Variants in DGKK observed in about 807,000 individuals in gnomAD.
DGKK encodes the protein 142 kDa diacylglycerol kinase.
Under a neutral mutation model 92.2 loss-of-function variants are expected in DGKK, and 35 were observed. The ratio of observed to expected loss-of-function variants is 0.38; its 90% CI spans 0.29 to 0.50. DGKK has a LOEUF of 0.50. DGKK is among the 20% of genes least tolerant of loss of function. The pLI is 0.92. For missense variants in DGKK, 910 were observed against 992.2 expected (o/e 0.92, Z 1.11); for synonymous variants, 368 against 360.6 (o/e 1.02, Z -0.23).
intron 20 of DGKK, 105 bp from the exon 21 acceptor site, chrX:50,378,796 A>C: frequency 7.8e-5 from 46 of 588,893 alleles, no homozygotes; most frequent in East Asian, 1.1e-4. Flanking sequence ...TTTCTAGCTC[A>C]TGAAGAGTGG....
chrX:50,388,166 A>T (rs12556919), intron 13 of DGKK, among the ~76,000 whole-genome samples: 4,349 of 112,136 alleles, frequency 0.039, 86 homozygotes, highest in Non-Finnish European at 0.057. Flanking sequence ...AGGTTATGAG[A>T]AAGCAGCTAT....
rs868958653 is a variant in DGKK, at chrX:50,384,210, T to C, written c.2507A>G (p.Asp836Gly). ...SISSLKSEDL[D>G]NLNLDHLHFT... is the part of the protein sequence containing the mutation. ...ATGTAAGTGATCCAAGTTAAGGTTG[T>C]CCAGGTCCTCACTTTTGAGAGAAGA... The change falls in exon 17 of 28, where the codon GAC (aspartate) becomes GGC (glycine). Residue 836 changes from aspartate to glycine, a missense_variant. Coordinates refer to ENST00000611977, the MANE Select transcript of DGKK (RefSeq NM_001013742.4). 5 of 1,182,595 alleles carry C rather than the reference T, an allele frequency of 4.2e-6. No homozygotes were observed. The African/African-American group carries it at 8.8e-5, about 21-fold the overall frequency.
intron 1 of DGKK, among the ~76,000 whole-genome samples, chrX:50,446,950 A>C (rs922034285): frequency 4.6e-5 from 5 of 109,854 alleles, no homozygotes; most frequent in Admixed American, 3.9e-4. Flanking sequence ...TCTAACTAGA[A>C]AAGCTTGAGC....
At chrX:50,393,042 C>T in intron 9 of DGKK, 110 bp downstream of exon 9, 1 of 674,200 alleles carries the variant, frequency 1.5e-6, no homozygotes, top group Non-Finnish European at 2.2e-6. Context: ...GAAAATAGAC[C>T]TTTCCTGCCC....
rs1925620777 is a variant in DGKK, at chrX:50,422,515, A to G, written c.768T>C (p.Phe256=). 1 of 1,205,481 alleles carries G rather than the reference A, an allele frequency of 8.3e-7. No individual in the cohort carries two copies. The highest frequency in any genetic ancestry group is 1.1e-6 in the Non-Finnish European group (1 of 892,114). ...TGGCTTGAGACAGATCAATCGTTTCAAAGTGTGCAAACTGGAAAGATATAA... is the reference window on the plus strand; with the variant it reads ...TGGCTTGAGACAGATCAATCGTTTCGAAGTGTGCAAACTGGAAAGATATAA... ...YFAHHPAFAH[F]ETIDLSQATV... The change falls in exon 3 of 28, where the codon TTT becomes TTC. Residue 256 remains phenylalanine (F), a synonymous_variant. Coordinates refer to ENST00000611977, the MANE Select transcript of DGKK (RefSeq NM_001013742.4).
rs1215276322 is a variant in DGKK at position 50,365,464 on chromosome X, G to A, written c.*3476C>T. Reference sequence around the variant, plus strand: ...AGAAGCAATACTTTATTAACATTGAGGACTGGTGTTCCATTTGGCGGGGGG... The same window carrying A: ...AGAAGCAATACTTTATTAACATTGAAGACTGGTGTTCCATTTGGCGGGGGG... On this transcript the variant is annotated 3_prime_UTR_variant, in exon 28 of 28. Coordinates refer to ENST00000611977, the MANE Select transcript of DGKK (RefSeq NM_001013742.4). The A allele has an allele frequency of 9.0e-6, 1 of 111,321 alleles. No homozygotes were observed. The highest frequency in any genetic ancestry group is 1.9e-5 in the Non-Finnish European group (1 of 53,141). 9.2% of individuals were successfully genotyped at this position (111,321 alleles called of 1,213,427 possible).
chrX:50,438,015 A>AC (rs1926077867), intron 1 of DGKK, among the ~76,000 whole-genome samples: 1 of 109,048 alleles, frequency 9.2e-6, no homozygotes, highest in African/African-American at 3.4e-5. Flanking sequence ...ACACACACAC[A>AC]AAAAAAAAGC....
chrX:50,392,926 C>T (rs1452867334), intron 9 of DGKK, among the ~76,000 whole-genome samples: 1 of 112,552 alleles, frequency 8.9e-6, no homozygotes, highest in African/African-American at 3.2e-5. Context: ...GCAAATCTGA[C>T]AGGGGCTTGG....
chrX:50,372,514 T>C (rs192467237), intron 25 of DGKK, among the ~76,000 whole-genome samples: 1 of 111,809 alleles, frequency 8.9e-6, no homozygotes, highest in African/African-American at 3.2e-5. Context: ...GGCTCAACTT[T>C]CTCCTCCTGG....
chrX:50,382,599 A>G lies in DGKK; in HGVS notation c.2554T>C (p.Phe852Leu). 2.5e-6 allele frequency: 3 copies of G among 1,197,816 alleles called. No individual in the cohort carries two copies. Among genetic ancestry groups the G allele is most frequent in the Non-Finnish European group, 3.4e-6 (3 of 885,404 alleles). ...TTGTTCATGACACATTTTTCTTTGAAGCGTCTGAAATTATTCAAAGAAGAG... is the reference window on the plus strand; with the variant it reads ...TTGTTCATGACACATTTTTCTTTGAGGCGTCTGAAATTATTCAAAGAAGAG... ...HLHFTPESIR[F>L]KEKCVMNNYF... The change falls in exon 18 of 28, where the codon TTC becomes CTC. Residue 852 changes from phenylalanine (F) to leucine (L), a missense_variant. Physicochemically the swap from Phe to Leu is conservative, Grantham distance 22. Coordinates refer to ENST00000611977, the MANE Select transcript of DGKK (RefSeq NM_001013742.4).
intron 1 of DGKK, among the ~76,000 whole-genome samples, chrX:50,427,596 T>C (rs1208871890): frequency 9.6e-6 from 1 of 103,746 alleles, no homozygotes; most frequent in Non-Finnish European, 2.0e-5. Context: ...ATAATAATAA[T>C]AATAATAATA....
At chrX:50,439,737 T>C (rs1218714723) in intron 1 of DGKK, among the ~76,000 whole-genome samples, 1 of 111,130 alleles carries the variant, frequency 9.0e-6, no homozygotes. Context: ...TTCCTTCCCA[T>C]GAGTAACAGA....
At chrX:50,372,878 C>T (rs1045459235) in intron 25 of DGKK, among the ~76,000 whole-genome samples, 5 of 111,868 alleles carry the variant, frequency 4.5e-5, no homozygotes, top group African/African-American at 1.6e-4. Context: ...CTGGCATGCA[C>T]TTTACTTTCA....
At position 50,470,651 on chromosome X, in the gene DGKK, C is replaced by G. The variant is rs933785143; in HGVS notation, c.28G>C (p.Gly10Arg). ...TCTCCATCCTGAGGCGGGGCAGTGC[C>G]CTGGGCTGCGGCAGCTCCGCGGTCC... MDRGAAAAQ[G>R]TAPPQDGEQP... The change falls in exon 1 of 28, where the codon GGC becomes CGC. Residue 10 changes from glycine to arginine, a missense_variant. Transcript: ENST00000611977. The G allele has an allele frequency of 1.8e-6, 2 of 1,125,254 alleles. No homozygotes were observed. Among genetic ancestry groups the G allele is most frequent in the Non-Finnish European group, 2.3e-6 (2 of 860,112 alleles). The allele number at this position is 1,125,254 out of a possible 1,213,427, so 92.7% of individuals were successfully genotyped here. A position where few individuals can be genotyped will look rare whatever the true frequency, so the allele number is the denominator to read the frequency against.
At chrX:50,393,078 C>T (rs868956144) in intron 9 of DGKK, 74 bp downstream of exon 9, 15 of 874,522 alleles carry the variant, frequency 1.7e-5, no homozygotes, top group Middle Eastern at 5.7e-4. Flanking sequence ...TTCCAAGAAG[C>T]CTGTTTTAGT....
At chrX:50,372,780 A>G (rs1443126789) in intron 25 of DGKK, among the ~76,000 whole-genome samples, 4 of 112,515 alleles carry the variant, frequency 3.6e-5, no homozygotes, top group Non-Finnish European at 7.5e-5. Flanking sequence ...ACATTCCAGT[A>G]AGTAGTGAGC....
chrX:50,376,308 C>T, intron 23 of DGKK, 143 bp from the exon 24 acceptor site: 1 of 565,480 alleles, frequency 1.8e-6, no homozygotes, highest in Non-Finnish European at 2.8e-6. Context: ...GTTATTTCTG[C>T]TCTTCTCTAG....
chrX:50,430,259 A>C (rs1925853492), intron 1 of DGKK, among the ~76,000 whole-genome samples: 1 of 112,185 alleles, frequency 8.9e-6, no homozygotes, highest in Non-Finnish European at 1.9e-5. Flanking sequence ...CCAAGCTGCC[A>C]CATTTCTGTG....
chrX:50,446,755 G>A (rs1222322601), intron 1 of DGKK, among the ~76,000 whole-genome samples: 1 of 111,060 alleles, frequency 9.0e-6, no homozygotes, highest in East Asian at 2.9e-4. Context: ...AATTCTTACT[G>A]TTCTGGCTCA....
Sources: allele counts gnomAD v4.1 joint callset (sites outside exome capture counted in the v4.1 genomes callset), GRCh38; gene constraint gnomAD v4.1.1; transcripts MANE v1.5; gene names NCBI Gene and HGNC (gene_info 2026-07-23, HGNC 2026-07-21).